Variants in XKR6 observed in about 807,000 individuals in gnomAD.
The protein encoded by XKR6 is XK related 6.
XKR6 carries 22 observed loss-of-function variants against 56.7 expected under a neutral mutation model. That is an observed-to-expected ratio of 0.39 (90% CI 0.28 to 0.55). The LOEUF (loss-of-function observed/expected upper bound fraction) is 0.55. Ranked by LOEUF, XKR6 falls within the 20% of genes least tolerant of loss-of-function variation. The pLI, the probability that XKR6 is intolerant of heterozygous loss-of-function variation, is 0.66. For synonymous variants in XKR6, 524 were observed against 387.8 expected (o/e 1.35, Z -4.13); for missense variants, 852 against 889.0 (o/e 0.96, Z 0.53).
intron 1 of XKR6, among the ~76,000 whole-genome samples, chr8:11,094,988 C>G (rs907916174): frequency 6.6e-6 from 1 of 152,182 alleles, no homozygotes; most frequent in African/African-American, 2.4e-5. Flanking sequence ...ACGGCACATG[C>G]TAACCTATGT....
chr8:10,946,942 A>G (rs987933181), intron 1 of XKR6, among the ~76,000 whole-genome samples: 1 of 152,044 alleles, frequency 6.6e-6, no homozygotes, highest in Non-Finnish European at 1.5e-5. Flanking sequence ...ACAGTTCCAG[A>G]GGGTCAAAAT....
intron 1 of XKR6, among the ~76,000 whole-genome samples, chr8:11,160,911 C>CAAAAAAAAAA (rs33931830): frequency 9.8e-4 from 62 of 63,518 alleles, no homozygotes; most frequent in East Asian, 1.9e-3. Context: ...GACTCCGTCT[C>CAAAAAAAAAA]AAAAAAAAAA....
chr8:11,136,211 T>C (rs1208488481), intron 1 of XKR6, among the ~76,000 whole-genome samples: 1 of 152,154 alleles, frequency 6.6e-6, no homozygotes. Context: ...GGACTGAATG[T>C]TTATGTCTTT....
chr8:11,046,273 G>A (rs1799408652), intron 1 of XKR6, among the ~76,000 whole-genome samples: 1 of 152,070 alleles, frequency 6.6e-6, no homozygotes, highest in African/African-American at 2.4e-5. Context: ...GGTGGCACGT[G>A]CCTGTAATCC....
intron 1 of XKR6, among the ~76,000 whole-genome samples, chr8:11,156,833 GCA>G (rs377030492): frequency 1.3e-5 from 2 of 151,378 alleles, no homozygotes; most frequent in Non-Finnish European, 3.0e-5. Context: ...AGACACAGAT[GCA>G]CACACACACA....
chr8:11,007,008 G>C (rs139412770), intron 1 of XKR6, among the ~76,000 whole-genome samples: 1 of 152,136 alleles, frequency 6.6e-6, no homozygotes, highest in East Asian at 1.9e-4. Context: ...CAAATTCTGG[G>C]TAATGGACCC....
At chr8:11,123,654 C>T in intron 1 of XKR6, 1 of 335,068 alleles carries the variant, frequency 3.0e-6, no homozygotes, top group South Asian at 2.4e-5. Context: ...GTTTAAAATA[C>T]TCAAATATAT....
chr8:10,904,383 C>T (rs149306035), intron 2 of XKR6, among the ~76,000 whole-genome samples: 1,525 of 152,264 alleles, frequency 0.01, 31 homozygotes, highest in African/African-American at 0.035. Context: ...AGAAATGGAA[C>T]GGCCACATCT....
chr8:10,952,898 C>T (rs1663154050), intron 1 of XKR6, among the ~76,000 whole-genome samples: 3 of 152,164 alleles, frequency 2.0e-5, no homozygotes, highest in African/African-American at 7.2e-5. Context: ...TGAGCTCTGC[C>T]TCCTGCCAGA....
chr8:10,970,360 T>C (rs1227769084), intron 1 of XKR6, among the ~76,000 whole-genome samples: 1 of 152,178 alleles, frequency 6.6e-6, no homozygotes, highest in Non-Finnish European at 1.5e-5. Context: ...AAACATTTTC[T>C]TGGATCCTTT....
At chr8:11,171,701 G>A (rs1175876455) in intron 1 of XKR6, among the ~76,000 whole-genome samples, 2 of 152,140 alleles carry the variant, frequency 1.3e-5, no homozygotes, top group East Asian at 3.9e-4. Flanking sequence ...CGCCAGGGCC[G>A]TGCTTCTTGT....
intron 1 of XKR6, among the ~76,000 whole-genome samples, chr8:11,046,941 C>G (rs1273890860): frequency 6.6e-6 from 1 of 151,918 alleles, no homozygotes; most frequent in Non-Finnish European, 1.5e-5. Flanking sequence ...GGAATCTAAA[C>G]AACTCAAACT....
At chr8:11,001,500 G>A (rs1456100805) in intron 1 of XKR6, among the ~76,000 whole-genome samples, 1 of 152,144 alleles carries the variant, frequency 6.6e-6, no homozygotes, top group Non-Finnish European at 1.5e-5. Context: ...TCCCAATTGA[G>A]CAGAAACATG....
At chr8:11,085,468 A>G (rs1797855518) in intron 1 of XKR6, among the ~76,000 whole-genome samples, 1 of 151,254 alleles carries the variant, frequency 6.6e-6, no homozygotes, top group Non-Finnish European at 1.5e-5. Flanking sequence ...ATGTATGTGC[A>G]TGTGTGTGTG....
chr8:11,098,322 G>A (rs1015919062), intron 1 of XKR6, among the ~76,000 whole-genome samples: 1 of 152,038 alleles, frequency 6.6e-6, no homozygotes, highest in African/African-American at 2.4e-5. Flanking sequence ...GGACTGAGCT[G>A]GAGGCCTGTC....
intron 1 of XKR6, among the ~76,000 whole-genome samples, chr8:11,190,521 C>T (rs1213173714): frequency 1.3e-5 from 2 of 152,206 alleles, no homozygotes; most frequent in Non-Finnish European, 2.9e-5. Context: ...TCCTAAGACA[C>T]AGACCCAGAG....
intron 1 of XKR6, among the ~76,000 whole-genome samples, chr8:10,957,108 G>A (rs1455081197): frequency 1.3e-5 from 2 of 152,080 alleles, no homozygotes; most frequent in Non-Finnish European, 2.9e-5. Flanking sequence ...GTGCCACCAT[G>A]CCCGTTTAAT....
chr8:11,083,119 G>A (rs1797781213), intron 1 of XKR6, among the ~76,000 whole-genome samples: 1 of 152,078 alleles, frequency 6.6e-6, no homozygotes, highest in African/African-American at 2.4e-5. Flanking sequence ...CACTCTCCAA[G>A]CCTCCCTCTC....
intron 1 of XKR6, among the ~76,000 whole-genome samples, chr8:11,190,725 G>C (rs1232834586): frequency 6.6e-6 from 1 of 152,200 alleles, no homozygotes; most frequent in Non-Finnish European, 1.5e-5. Flanking sequence ...CAATAAGCCA[G>C]ACAACAACGT....
Sources: allele counts gnomAD v4.1 joint callset (sites outside exome capture counted in the v4.1 genomes callset), GRCh38; gene constraint gnomAD v4.1.1; transcripts MANE v1.5; gene names NCBI Gene and HGNC (gene_info 2026-07-23, HGNC 2026-07-21).